The following DSP variants were observed in gnomAD, a reference collection of about 807,000 sequenced individuals.
DSP encodes the protein 250/210 kDa paraneoplastic pemphigus antigen.
A neutral mutation model predicts 290.6 loss-of-function variants in DSP; 114 were observed. The observed-to-expected ratio is 0.39, with a 90% CI of 0.34 to 0.46. The LOEUF is 0.46. Ranked by LOEUF, DSP falls within the 20% of genes least tolerant of loss-of-function variation. The pLI, the probability that DSP is intolerant of heterozygous loss-of-function variation, is 0.99. For missense variants in DSP, 3,230 were observed against 3,495.8 expected, an observed-to-expected ratio of 0.92 and a Z score of 1.92; for synonymous variants, 1,311 against 1,316.4, an observed-to-expected ratio of 1.00 and a Z score of 0.09.
chr6:7,557,278 C>T (rs1758529810), intron 2 of DSP, among the ~76,000 whole-genome samples: 1 of 152,226 alleles, frequency 6.6e-6, no homozygotes, highest in Non-Finnish European at 1.5e-5. Flanking sequence ...CTCTACCCAG[C>T]ACCCAGCTTC....
intron 7 of DSP, among the ~76,000 whole-genome samples, chr6:7,566,119 G>A (rs903110465): frequency 6.6e-6 from 1 of 152,162 alleles, no homozygotes; most frequent in African/African-American, 2.4e-5. Flanking sequence ...GGAAGCCTGG[G>A]ATTAGAAAAC....
intron 13 of DSP, 102 bp from the exon 14 acceptor site, chr6:7,571,281 C>A: frequency 1.8e-6 from 2 of 1,097,784 alleles, no homozygotes; most frequent in Non-Finnish European, 2.8e-6. Context: ...ATGAGTGTTG[C>A]TTTGAGTCCC....
At chr6:7,546,226 G>A (rs1005077237) in intron 1 of DSP, among the ~76,000 whole-genome samples, 1 of 152,202 alleles carries the variant, frequency 6.6e-6, no homozygotes, top group Non-Finnish European at 1.5e-5. Flanking sequence ...GCTAAGAATT[G>A]GATGCGAGAG....
rs764951792 is a variant in DSP, at chr6:7,571,521, G to A, written c.1840G>A (p.Asp614Asn). 70 of 1,614,060 alleles carry A rather than the reference G, an allele frequency of 4.3e-5. No individual in the cohort carries two copies. The highest frequency in any genetic ancestry group is 5.3e-5 in the Non-Finnish European group (63 of 1,180,034). The change falls in exon 14 of 24, where the codon GAT (aspartate) becomes AAT (asparagine). Residue 614 changes from aspartate to asparagine, a missense_variant. Asp to Asn is a conservative substitution (Grantham distance 23). This residue lies in a region of DSP where 81 missense variants were observed against 130.5 expected (regional missense o/e 0.62). Transcript: ENST00000379802. ...DKRKIQSQFT[D>N]AQKHYQTLVI... ...GCGGAAAATACAGTCTCAGTTCACC[G>A]ATGCCCAGAAGCATTACCAGACCCT...
In DSP at chr6:7,562,787, G is replaced by C. The variant is rs370309952; in HGVS notation, c.726+7G>C. The C allele has an allele frequency of 1.6e-5, 26 of 1,613,856 alleles. No individual in the cohort carries two copies. The highest frequency in any genetic ancestry group is 1.5e-5 in the Non-Finnish European group (18 of 1,179,928). ...CAAAATCAAAGCCGACCTGGTACTTGTCTGTGTTTCATTTTAGAGTCTTCA... is the reference window on the plus strand; with the variant it reads ...CAAAATCAAAGCCGACCTGGTACTTCTCTGTGTTTCATTTTAGAGTCTTCA... On this transcript the variant is annotated splice_region_variant and intron_variant, in intron 5 of 23. Coordinates refer to ENST00000379802, the MANE Select transcript of DSP (RefSeq NM_004415.4).
chr6:7,551,648 T>C (rs996721539), intron 1 of DSP, among the ~76,000 whole-genome samples: 3 of 150,818 alleles, frequency 2.0e-5, no homozygotes, highest in African/African-American at 7.3e-5. Context: ...AAAACAGGCA[T>C]GTTTCCTGAA....
At position 7,574,817 on chromosome 6, in the gene DSP, G is replaced by C. The variant is rs763897955; in HGVS notation, c.2436+22G>C. ...GAAGGTAACTTGAAAGCTTATAACA[G>C]TGGCCCAACTTACAGGAACTAATTC... On this transcript the variant is annotated intron_variant, in intron 17 of 23. Transcript: ENST00000379802. 22 of 1,614,004 alleles carry C rather than the reference G, an allele frequency of 1.4e-5. 1 individual carries two copies. In the South Asian group the frequency reaches 2.3e-4, roughly 17 times the overall value.
chr6:7,581,232 G>A lies in DSP; in HGVS notation c.5042G>A (p.Arg1681Lys), dbSNP rs1274117174. 2 of 1,614,156 alleles carry A rather than the reference G, an allele frequency of 1.2e-6. No homozygotes were observed. The highest frequency in any genetic ancestry group is 2.2e-5 in the South Asian group (2 of 91,084). Residue 1681 changes from arginine (R) to lysine (K), a missense_variant, in exon 23 of 24, where the codon AGG becomes AAG. Coordinates refer to ENST00000379802, the MANE Select transcript of DSP (RefSeq NM_004415.4). ...GAAAGTGTCAAACAAGCTCACTTGA[G>A]GAATGAGCATTTCCAGAAGGCGATA... ...EQESVKQAHL[R>K]NEHFQKAIED...
intron 11 of DSP, 143 bp from the exon 12 acceptor site, chr6:7,569,043 T>C: frequency 1.9e-6 from 2 of 1,065,724 alleles, no homozygotes; most frequent in Non-Finnish European, 2.7e-6. Flanking sequence ...TGTTGGGTTG[T>C]ATGATGATCA....
In DSP at chr6:7,579,513, A is replaced by G. The variant is rs771948271; in HGVS notation, c.3323A>G (p.Asn1108Ser). ...TGCTACGGCCAAATAAAAGAACTCA[A>G]TGAGAAGATCACCCGACTGACTTAT... is the stretch of plus-strand genomic sequence containing the variant. ...DKCYGQIKEL[N>S]EKITRLTYEI... Residue 1108 changes from asparagine (N) to serine (S), a missense_variant, in exon 23 of 24, where the codon AAT (asparagine) becomes AGT (serine). Transcript: ENST00000379802. The surrounding 1 kb of genome is among the most constrained non-coding windows in gnomAD (Gnocchi z 4.1). 6 of 1,614,040 alleles carry G rather than the reference A, an allele frequency of 3.7e-6. No individual in the cohort carries two copies. Among genetic ancestry groups the G allele is most frequent in the East Asian group, 2.2e-5 (1 of 44,880 alleles).
Position 7,585,159 on chromosome 6 carries a change from A to G in DSP, c.7897A>G (p.Ile2633Val), listed in dbSNP as rs1305316361. 2 of 1,614,060 alleles carry G rather than the reference A, an allele frequency of 1.2e-6. No homozygotes were observed. Among genetic ancestry groups the G allele is most frequent in the African/African-American group, 2.7e-5 (2 of 74,922 alleles). ...CACAGAAAACCTGGAGAAAATCTCC[A>G]TTACAGAAGGTATAGAGCGGGGCAT... ...FDTENLEKIS[I>V]TEGIERGIVD... Residue 2633 changes from isoleucine to valine, a missense_variant, in exon 24 of 24, where the codon ATT (isoleucine) becomes GTT (valine). Physicochemically the swap from Ile to Val is conservative, Grantham distance 29 (BLOSUM62 3). Transcript: ENST00000379802.
At chr6:7,555,157 AGT>A (rs1758469992) in intron 1 of DSP, among the ~76,000 whole-genome samples, 1 of 152,130 alleles carries the variant, frequency 6.6e-6, no homozygotes, top group Admixed American at 6.5e-5. Context: ...CATTGCCAGA[AGT>A]GTGTTTTTAT....
At chr6:7,569,369 C>T in intron 12 of DSP, 29 bp downstream of exon 12, 1 of 1,614,166 alleles carries the variant, frequency 6.2e-7, no homozygotes, top group Non-Finnish European at 8.5e-7. Context: ...CAAAGCCACG[C>T]ATGCACGCAT....
chr6:7,557,394 C>T (rs182172318), intron 2 of DSP, among the ~76,000 whole-genome samples: 3 of 152,264 alleles, frequency 2.0e-5, no homozygotes, highest in East Asian at 1.9e-4. Flanking sequence ...AGAACTAAAA[C>T]GTTGGCCAGG....
intron 5 of DSP, among the ~76,000 whole-genome samples, chr6:7,563,486 G>A (rs1237279519): frequency 5.9e-5 from 9 of 152,020 alleles, no homozygotes; most frequent in Admixed American, 2.6e-4. Context: ...TTTCTAACAC[G>A]TGAGTCTTTA....
Position 7,582,725 on chromosome 6 carries a change from C to T in DSP, c.5463C>T (p.Val1821=), listed in dbSNP as rs961915749. The part of the protein sequence containing the change: ...ERESLLVKIK[V]LEQDKARLQR... ...AGAGCCTTCTGGTGAAAATCAAAGT[C>T]CTGGAGCAAGACAAGGCAAGGCTGC... Residue 1821 remains valine, a synonymous_variant, in exon 24 of 24, where the codon GTC becomes GTT. Transcript: ENST00000379802. This position sits in a 1 kb window ranked among gnomAD's most constrained non-coding sequence, Gnocchi z 4.2. The T allele has an allele frequency of 6.8e-6, 11 of 1,613,460 alleles. No individual in the cohort carries two copies. The African/African-American group carries it at 1.5e-4, about 22-fold the overall frequency.
In DSP at chr6:7,568,468, G is replaced by T. The variant is rs752143388; in HGVS notation, c.1298G>T (p.Arg433Leu). ...KEREKILEYK[R>L]QVQNLVNKSK... ...CGAGAGAAAATCCTTGAATACAAGC[G>T]TCAGGTGCAGAACTTGGTAAACAAG... is the stretch of plus-strand genomic sequence containing the variant. The change falls in exon 11 of 24, where the codon CGT becomes CTT. Residue 433 changes from arginine (R) to leucine (L), a missense_variant. Around this residue, in one of 5 missense-constraint regions of DSP, gnomAD observed 646 missense variants for 684.3 expected, o/e 0.94. Transcript: ENST00000379802. 1 of 1,613,982 alleles carries T rather than the reference G, an allele frequency of 6.2e-7. No homozygotes were observed. The highest frequency in any genetic ancestry group is 1.3e-5 in the African/African-American group (1 of 74,924).
In DSP at chr6:7,541,862, G is replaced by A; in HGVS notation, c.-54G>A. 1.3e-6 allele frequency: 2 copies of A among 1,560,596 alleles called. No individual in the cohort carries two copies. Among genetic ancestry groups the A allele is most frequent in the Non-Finnish European group, 8.7e-7 (1 of 1,155,284 alleles). On this transcript the variant is annotated 5_prime_UTR_variant, in exon 1 of 24. Transcript: ENST00000379802. The stretch of plus-strand genomic sequence containing the variant: ...TGGCCCCCTCCGCTTTCTCCGCGCC[G>A]GCCCGCCTCGCTTATGCCTCGGCGC...
Position 7,580,714 on chromosome 6 carries a change from A to C in DSP, c.4524A>C (p.Gln1508His). 6.2e-7 allele frequency: 1 copy of C among 1,614,094 alleles called. No individual in the cohort carries two copies. Among genetic ancestry groups the C allele is most frequent in the Non-Finnish European group, 8.5e-7 (1 of 1,180,038 alleles). ...KCLEDENARL[Q>H]RVQYDLQKAN... is the part of the protein sequence containing the mutation. ...TGGAAGATGAAAACGCGAGATTACA[A>C]AGGGTCCAGTATGACCTGCAGAAAG... Residue 1508 changes from glutamine to histidine, a missense_variant, in exon 23 of 24, where the codon CAA (glutamine) becomes CAC (histidine). By Grantham distance (24) the Gln-to-His change is conservative. Transcript: ENST00000379802. The surrounding 1 kb of genome is among the most constrained non-coding windows in gnomAD (Gnocchi z 4.2).
Sources: gnomAD v4.1 joint callset for allele counts (sites outside exome capture counted in the v4.1 genomes callset) on GRCh38, gnomAD v4.1.1 for gene constraint, gnomAD v4.1.1 regional missense constraint, Gnocchi (gnomAD v3.1) non-coding constraint, MANE v1.5 for transcripts, NCBI Gene and HGNC (gene_info 2026-07-23, HGNC 2026-07-21) for gene names.